The following PPP2R5E variants were observed in gnomAD, a reference collection of about 807,000 sequenced individuals.
The protein encoded by PPP2R5E is protein phosphatase 2 regulatory subunit B'epsilon, also known as serine/threonine-protein phosphatase 2A 56 kDa regulatory subunit epsilon isoform.
In PPP2R5E, 4 loss-of-function variants were observed where a neutral mutation model predicts 65.3. The ratio of observed to expected loss-of-function variants is 0.06; its 90% CI spans 0.03 to 0.14. The LOEUF is 0.14. PPP2R5E is among the 10% of genes least tolerant of loss of function. The pLI is 1.00. For synonymous variants in PPP2R5E, 183 were observed against 187.4 expected, an observed-to-expected ratio of 0.98 and a Z score of 0.19; for missense variants, 274 against 556.1, an observed-to-expected ratio of 0.49 and a Z score of 5.10.
At position 63,415,180 on chromosome 14, in the gene PPP2R5E, C is replaced by A; in HGVS notation, c.509G>T (p.Ser170Ile). Residue 170 changes from serine (S) to isoleucine (I), a missense_variant, in exon 5 of 14, where the codon AGC becomes ATC. Around this residue, in one of 6 missense-constraint regions of PPP2R5E, gnomAD observed 19 missense variants for 27.5 expected, o/e 0.69. Coordinates refer to ENST00000337537, the MANE Select transcript of PPP2R5E (RefSeq NM_006246.5). ...RFLESQEFQP[S>I]IAKKYIDQKF... ...CTGATCTATATATTTTTTGGCAATG[C>A]TGGGTTGGAATTCTTGGCTTTCCAA... 2 of 1,604,664 alleles carry A rather than the reference C, an allele frequency of 1.2e-6. No homozygotes were observed. Among genetic ancestry groups the A allele is most frequent in the Non-Finnish European group, 1.7e-6 (2 of 1,172,560 alleles).
intron 2 of PPP2R5E, among the ~76,000 whole-genome samples, chr14:63,531,206 C>G (rs1017307215): frequency 2.3e-4 from 35 of 152,282 alleles, no homozygotes; most frequent in African/African-American, 8.4e-4. Context: ...CATATGTATA[C>G]ATGTGCCATG....
intron 2 of PPP2R5E, among the ~76,000 whole-genome samples, chr14:63,478,201 G>A (rs1448527881): frequency 1.3e-5 from 2 of 152,110 alleles, no homozygotes; most frequent in Non-Finnish European, 2.9e-5. Flanking sequence ...ACAACTTGTG[G>A]TCCTCTGCAA....
chr14:63,411,845 C>T (rs1412142268), intron 5 of PPP2R5E, among the ~76,000 whole-genome samples: 1 of 152,050 alleles, frequency 6.6e-6, no homozygotes, highest in East Asian at 1.9e-4. Context: ...GAACCAAATA[C>T]ACCTCTTTTC....
intron 5 of PPP2R5E, among the ~76,000 whole-genome samples, chr14:63,410,115 C>A (rs1886316879): frequency 6.6e-6 from 1 of 152,158 alleles, no homozygotes; most frequent in Non-Finnish European, 1.5e-5. Context: ...ACATATTCAG[C>A]TGCTACAGAA....
chr14:63,382,849 A>T (rs1468768973), intron 12 of PPP2R5E, among the ~76,000 whole-genome samples: 1 of 152,226 alleles, frequency 6.6e-6, no homozygotes, highest in East Asian at 1.9e-4. Flanking sequence ...GAATTTGCAT[A>T]GAATTCTATT....
At chr14:63,523,121 C>G (rs1229664222) in intron 2 of PPP2R5E, among the ~76,000 whole-genome samples, 1 of 149,650 alleles carries the variant, frequency 6.7e-6, no homozygotes, top group African/African-American at 2.5e-5. Context: ...GCAGCCCCTT[C>G]CGGGAAGTGG....
intron 2 of PPP2R5E, among the ~76,000 whole-genome samples, chr14:63,520,183 C>A (rs1892839579): frequency 6.6e-6 from 1 of 151,846 alleles, no homozygotes. Flanking sequence ...CTACTGGCGC[C>A]CGCCACCACG....
At chr14:63,394,818 G>A (rs1439025163) in intron 7 of PPP2R5E, among the ~76,000 whole-genome samples, 1 of 152,136 alleles carries the variant, frequency 6.6e-6, no homozygotes, top group African/African-American at 2.4e-5. Context: ...GCTGTTCAAG[G>A]ACTATACCTG....
At chr14:63,389,957 G>A (rs1884913524) in intron 10 of PPP2R5E, among the ~76,000 whole-genome samples, 1 of 151,916 alleles carries the variant, frequency 6.6e-6, no homozygotes, top group South Asian at 2.1e-4. Flanking sequence ...ACTCTACTTG[G>A]TATATATATT....
chr14:63,511,102 T>G (rs1892435013), intron 2 of PPP2R5E, among the ~76,000 whole-genome samples: 1 of 152,242 alleles, frequency 6.6e-6, no homozygotes, highest in Non-Finnish European at 1.5e-5. Context: ...CAGTATAATT[T>G]TATAGCTCCT....
chr14:63,533,438 G>A (rs533593942), intron 2 of PPP2R5E, among the ~76,000 whole-genome samples: 2 of 152,078 alleles, frequency 1.3e-5, no homozygotes, highest in East Asian at 3.9e-4. Context: ...GCGCATGCCT[G>A]TAATCCCAGC....
chr14:63,462,073 A>ATTTT (rs10717359), intron 2 of PPP2R5E, among the ~76,000 whole-genome samples: 1,750 of 144,644 alleles, frequency 0.012, 41 homozygotes, highest in African/African-American at 0.042. Flanking sequence ...TTTCAACTGT[A>ATTTT]TTTTTTTTTT....
intron 13 of PPP2R5E, among the ~76,000 whole-genome samples, chr14:63,380,730 T>C (rs755738460): frequency 2.0e-5 from 3 of 151,988 alleles, no homozygotes; most frequent in Non-Finnish European, 4.4e-5. Context: ...TTGATAATAA[T>C]CCCAATATTC....
At chr14:63,516,611 G>C (rs558434535) in intron 2 of PPP2R5E, among the ~76,000 whole-genome samples, 10 of 152,268 alleles carry the variant, frequency 6.6e-5, no homozygotes, top group African/African-American at 1.4e-4. Flanking sequence ...ATCTGTCCAC[G>C]TATCATCAAC....
chr14:63,467,078 T>G (rs901528102), intron 2 of PPP2R5E, among the ~76,000 whole-genome samples: 2 of 151,496 alleles, frequency 1.3e-5, no homozygotes, highest in Non-Finnish European at 2.9e-5. Flanking sequence ...TACAAAAAAT[T>G]AGCCGGGCGT....
intron 2 of PPP2R5E, among the ~76,000 whole-genome samples, chr14:63,515,941 C>CTAG (rs1892654419): frequency 1.3e-5 from 2 of 151,014 alleles, no homozygotes; most frequent in Non-Finnish European, 3.0e-5. Context: ...GCTCTGCCTC[C>CTAG]TAGGTTCACG....
intron 13 of PPP2R5E, 97 bp from the exon 14 acceptor site, chr14:63,376,205 T>C: frequency 1.3e-6 from 1 of 784,370 alleles, no homozygotes; most frequent in Non-Finnish European, 2.0e-6. Flanking sequence ...TCCTTTATAC[T>C]TAGCTTAATT....
intron 2 of PPP2R5E, among the ~76,000 whole-genome samples, chr14:63,516,816 G>A (rs1025440269): frequency 6.6e-6 from 1 of 152,052 alleles, no homozygotes. Flanking sequence ...CTAATCCTTC[G>A]GTTCAGTAAT....
At chr14:63,422,520 A>T (rs188432741) in intron 3 of PPP2R5E, among the ~76,000 whole-genome samples, 163 of 152,146 alleles carry the variant, frequency 1.1e-3, no homozygotes, top group African/African-American at 3.7e-3. Context: ...AGGTCAGGAG[A>T]TCGAGACCAT....
Sources: allele counts gnomAD v4.1 joint callset (sites outside exome capture counted in the v4.1 genomes callset), GRCh38; gene constraint gnomAD v4.1.1; regional missense constraint gnomAD v4.1.1; transcripts MANE v1.5; gene names NCBI Gene and HGNC (gene_info 2026-07-23, HGNC 2026-07-21).